SKIC3: variants seen among roughly 807,000 people sequenced by gnomAD.
SKIC3 encodes superkiller complex protein 3.
the SKIC3 span, chr5:95,464,432 A>C: frequency 1.9e-6 from 1 of 539,712 alleles, no homozygotes; most frequent in Non-Finnish European, 3.3e-6. Flanking sequence ...GATTAAAATC[A>C]GGTTTGGAGT....
chr5:95,531,422 C>T, the SKIC3 span, among the ~76,000 whole-genome samples: 13 of 152,290 alleles, frequency 8.5e-5, no homozygotes, highest in East Asian at 3.9e-4. Flanking sequence ...TACTATTATG[C>T]TTCCAGGCAT....
At chr5:95,478,198 C>A in the SKIC3 span, 1 of 1,447,500 alleles carries the variant, frequency 6.9e-7, no homozygotes, top group Non-Finnish European at 9.4e-7. Context: ...AACAACAGGA[C>A]TTCAATTGAA....
chr5:95,504,909 G>A, the SKIC3 span, among the ~76,000 whole-genome samples: 2 of 152,060 alleles, frequency 1.3e-5, no homozygotes, highest in African/African-American at 4.8e-5. Flanking sequence ...AGAGGCTGAG[G>A]CAGGAGAATC....
the SKIC3 span, chr5:95,513,186 C>T: frequency 4.7e-6 from 1 of 213,364 alleles, no homozygotes; most frequent in South Asian, 8.4e-5. Context: ...TCATTAACAT[C>T]TAATACCACT....
At chr5:95,504,007 G>A in the SKIC3 span, 4 of 1,507,298 alleles carry the variant, frequency 2.7e-6, no homozygotes, top group Non-Finnish European at 3.6e-6. Context: ...AAAATACTGA[G>A]ATATAATTAC....
At chr5:95,497,505 T>C in the SKIC3 span, 3 of 1,608,100 alleles carry the variant, frequency 1.9e-6, no homozygotes, top group Non-Finnish European at 1.7e-6. Context: ...GAATCAAAAG[T>C]AGCAGGCTTA....
At chr5:95,487,113 G>A in the SKIC3 span, among the ~76,000 whole-genome samples, 4 of 152,020 alleles carry the variant, frequency 2.6e-5, no homozygotes, top group African/African-American at 9.7e-5. Context: ...AGAAAAACAC[G>A]AAAAAGCAAG....
the SKIC3 span, among the ~76,000 whole-genome samples, chr5:95,505,186 A>T: frequency 6.6e-6 from 1 of 152,222 alleles, no homozygotes; most frequent in East Asian, 1.9e-4. Context: ...CCATCACTAT[A>T]ACCTGAATCT....
the SKIC3 span, among the ~76,000 whole-genome samples, chr5:95,538,345 A>G: frequency 6.6e-6 from 1 of 152,310 alleles, no homozygotes; most frequent in East Asian, 1.9e-4. Flanking sequence ...ATGCACAGAT[A>G]AATCATGTTA....
At chr5:95,516,497 C>A in the SKIC3 span, 2 of 1,612,916 alleles carry the variant, frequency 1.2e-6, no homozygotes, top group South Asian at 1.1e-5. Flanking sequence ...TTTTGAAGTT[C>A]TTTTTCATAG....
the SKIC3 span, among the ~76,000 whole-genome samples, chr5:95,540,253 C>T: frequency 6.6e-6 from 1 of 152,122 alleles, no homozygotes; most frequent in African/African-American, 2.4e-5. Flanking sequence ...TGTATGTTCT[C>T]ACTCTAAGCT....
the SKIC3 span, chr5:95,540,590 T>C: frequency 2.0e-6 from 3 of 1,474,704 alleles, no homozygotes; most frequent in Admixed American, 1.7e-5. Context: ...ACTATGGAAA[T>C]GGAAATTAAA....
chr5:95,485,019 G>A, the SKIC3 span, among the ~76,000 whole-genome samples: 2 of 152,178 alleles, frequency 1.3e-5, no homozygotes, highest in Admixed American at 1.3e-4. Flanking sequence ...TTTCTGAAAA[G>A]TTTCATGGCA....
the SKIC3 span, chr5:95,512,435 T>C: frequency 3.2e-6 from 5 of 1,583,484 alleles, no homozygotes; most frequent in East Asian, 6.7e-5. Context: ...ATTATTTCAA[T>C]AGTTGCTCAA....
the SKIC3 span, chr5:95,503,907 C>G: frequency 1.8e-5 from 29 of 1,613,782 alleles, no homozygotes; most frequent in Non-Finnish European, 2.3e-5. Flanking sequence ...GACTTAAAAG[C>G]CTGGATAGCT....
At chr5:95,482,451 A>G in the SKIC3 span, 2 of 1,612,468 alleles carry the variant, frequency 1.2e-6, no homozygotes, top group African/African-American at 2.7e-5. Flanking sequence ...TGAGGACTCA[A>G]GTAAGAAAGG....
At chr5:95,497,857 A>G in the SKIC3 span, among the ~76,000 whole-genome samples, 2 of 152,110 alleles carry the variant, frequency 1.3e-5, no homozygotes, top group Admixed American at 1.3e-4. Context: ...AATAAGCTTT[A>G]TATTAAAATA....
At chr5:95,523,014 A>G in the SKIC3 span, among the ~76,000 whole-genome samples, 1 of 152,166 alleles carries the variant, frequency 6.6e-6, no homozygotes, top group African/African-American at 2.4e-5. Flanking sequence ...TATCTCCTCA[A>G]CAACAGGACA....
the SKIC3 span, chr5:95,540,879 C>T: frequency 5.0e-6 from 8 of 1,588,046 alleles, no homozygotes; most frequent in Non-Finnish European, 6.9e-6. Flanking sequence ...TGTAAAAATG[C>T]CAATAAAAAT....
Sources: gnomAD v4.1 joint callset for allele counts (sites outside exome capture counted in the v4.1 genomes callset) on GRCh38, gnomAD v4.1.1 for gene constraint, MANE v1.5 for transcripts, NCBI Gene and HGNC (gene_info 2026-07-23, HGNC 2026-07-21) for gene names.